Variants in NELL1 observed in about 807,000 individuals in gnomAD.
NELL1 encodes neural EGFL like 1, also known as protein kinase C-binding protein NELL1.
A neutral mutation model predicts 107.4 loss-of-function variants in NELL1; 76 were observed. The observed-to-expected ratio is 0.71, with a 90% CI of 0.59 to 0.86. The LOEUF is 0.86. Among genes scored for constraint, NELL1 ranks in the 40% least tolerant of loss-of-function variants. The pLI is 0.00. For synonymous variants in NELL1, 353 were observed against 341.2 expected (o/e 1.03, Z -0.38); for missense variants, 1,024 against 1,005.5 (o/e 1.02, Z -0.25).
At chr11:20,831,584 T>TG (rs1210602763) in intron 3 of NELL1, among the ~76,000 whole-genome samples, 5 of 152,188 alleles carry the variant, frequency 3.3e-5, no homozygotes, top group African/African-American at 7.2e-5. Flanking sequence ...TTTTGGAAGG[T>TG]GGGGGGGACC....
At chr11:20,812,149 A>G (rs1481071188) in intron 3 of NELL1, among the ~76,000 whole-genome samples, 1 of 152,198 alleles carries the variant, frequency 6.6e-6, no homozygotes, top group South Asian at 2.1e-4. Context: ...AACATAAAGG[A>G]GTGTTAAATG....
At chr11:21,305,576 A>G (rs1313727795) in intron 14 of NELL1, among the ~76,000 whole-genome samples, 5 of 152,092 alleles carry the variant, frequency 3.3e-5, no homozygotes, top group African/African-American at 1.2e-4. Flanking sequence ...TGATGCTACA[A>G]GGCGATGTTG....
intron 3 of NELL1, among the ~76,000 whole-genome samples, chr11:20,805,916 G>A (rs1245825339): frequency 6.6e-6 from 1 of 152,108 alleles, no homozygotes; most frequent in African/African-American, 2.4e-5. Flanking sequence ...ATCTTGCTTT[G>A]TTTTATTTAT....
At chr11:21,123,640 T>C (rs867368032) in intron 13 of NELL1, among the ~76,000 whole-genome samples, 3 of 152,146 alleles carry the variant, frequency 2.0e-5, no homozygotes, top group Admixed American at 1.3e-4. Flanking sequence ...ACAACCTTTC[T>C]TGAGGCTAAC....
chr11:20,730,089 A>AG (rs1354147050), intron 2 of NELL1, among the ~76,000 whole-genome samples: 6 of 152,308 alleles, frequency 3.9e-5, no homozygotes, highest in African/African-American at 1.2e-4. Flanking sequence ...ATAATCAAAG[A>AG]GGACTAATGG....
At chr11:20,982,295 G>A (rs1297029794) in intron 12 of NELL1, among the ~76,000 whole-genome samples, 1 of 152,152 alleles carries the variant, frequency 6.6e-6, no homozygotes, top group Non-Finnish European at 1.5e-5. Context: ...GAAACTGAGG[G>A]TGTTGTATTA....
intron 2 of NELL1, among the ~76,000 whole-genome samples, chr11:20,711,146 T>C (rs533570315): frequency 6.6e-6 from 1 of 152,282 alleles, no homozygotes; most frequent in South Asian, 2.1e-4. Flanking sequence ...TGCAGACTTT[T>C]TGATGTAGGC....
At chr11:21,221,804 C>T (rs988859202) in intron 13 of NELL1, among the ~76,000 whole-genome samples, 2 of 152,020 alleles carry the variant, frequency 1.3e-5, no homozygotes, top group African/African-American at 4.8e-5. Context: ...GAAATCCTCC[C>T]ACCTCAGCCT....
At chr11:20,823,104 G>A (rs954867449) in intron 3 of NELL1, among the ~76,000 whole-genome samples, 11 of 142,372 alleles carry the variant, frequency 7.7e-5, no homozygotes, top group Admixed American at 7.1e-4. Context: ...GCTGATAAAG[G>A]CATACCTGAG....
intron 3 of NELL1, among the ~76,000 whole-genome samples, chr11:20,804,197 T>A (rs1414436293): frequency 6.6e-6 from 1 of 152,160 alleles, no homozygotes; most frequent in Admixed American, 6.5e-5. Flanking sequence ...TGTGTGTCCA[T>A]TATCATTTGT....
chr11:21,087,392 A>G (rs563036062), intron 12 of NELL1, among the ~76,000 whole-genome samples: 47 of 152,280 alleles, frequency 3.1e-4, no homozygotes, highest in African/African-American at 9.9e-4. Context: ...GAAAAGAAAA[A>G]AAAAAATATT....
At chr11:21,062,857 T>G (rs564188941) in intron 12 of NELL1, among the ~76,000 whole-genome samples, 1 of 152,156 alleles carries the variant, frequency 6.6e-6, no homozygotes, top group African/African-American at 2.4e-5. Context: ...AGACAGAGTC[T>G]CACTCTGTCG....
chr11:21,352,287 A>G (rs1194168676), intron 14 of NELL1, among the ~76,000 whole-genome samples: 1 of 152,048 alleles, frequency 6.6e-6, no homozygotes, highest in African/African-American at 2.4e-5. Flanking sequence ...TGTTTAGTTT[A>G]TATTTTTCTC....
At chr11:21,419,152 C>T (rs557531608) in intron 15 of NELL1, among the ~76,000 whole-genome samples, 1 of 152,044 alleles carries the variant, frequency 6.6e-6, no homozygotes, top group South Asian at 2.1e-4. Flanking sequence ...AATGCACGAC[C>T]TTTGACCAAG....
chr11:20,767,949 T>C (rs1428247640), intron 2 of NELL1, among the ~76,000 whole-genome samples: 2 of 152,014 alleles, frequency 1.3e-5, no homozygotes, highest in East Asian at 3.9e-4. Context: ...ATATAAGAGC[T>C]ATACTGGAGA....
chr11:21,012,275 A>G (rs915734213), intron 12 of NELL1, among the ~76,000 whole-genome samples: 7 of 152,104 alleles, frequency 4.6e-5, no homozygotes, highest in Admixed American at 3.9e-4. Context: ...CCTTGAGAGC[A>G]TATGTTAGAT....
chr11:21,406,729 G>C lies in NELL1; in HGVS notation c.1645+35781G>C, dbSNP rs371455175. 1.2e-3 allele frequency among the ~76,000 whole-genome samples: 190 copies of C among 152,020 alleles called. 5 individuals are homozygous for C. In the South Asian group the frequency reaches 0.038, roughly 30 times the overall value. ...TTGATACATAATAAAGATTTCTGGGGTACATGTGATATTCTGACACATGCA... is the reference window on the plus strand; with the variant it reads ...TTGATACATAATAAAGATTTCTGGGCTACATGTGATATTCTGACACATGCA... On this transcript the variant is annotated intron_variant, in intron 15 of 19. Coordinates refer to ENST00000357134, the MANE Select transcript of NELL1 (RefSeq NM_006157.5).
intron 2 of NELL1, among the ~76,000 whole-genome samples, chr11:20,775,393 T>G (rs1361263190): frequency 2.0e-5 from 3 of 152,220 alleles, no homozygotes; most frequent in African/African-American, 7.2e-5. Flanking sequence ...GGGGTGTATA[T>G]ATCCTAATTT....
At chr11:21,318,871 G>A (rs1203206371) in intron 14 of NELL1, among the ~76,000 whole-genome samples, 3 of 151,976 alleles carry the variant, frequency 2.0e-5, no homozygotes, top group Admixed American at 1.3e-4. Context: ...TTAAAATCCC[G>A]ACTCTAGTTC....
Sources: gnomAD v4.1 joint callset for allele counts (sites outside exome capture counted in the v4.1 genomes callset) on GRCh38, gnomAD v4.1.1 for gene constraint, MANE v1.5 for transcripts, NCBI Gene and HGNC (gene_info 2026-07-23, HGNC 2026-07-21) for gene names.